Variants in ARB2A observed in about 807,000 individuals in gnomAD.
The protein encoded by ARB2A is cotranscriptional regulator ARB2A.
chr5:93,717,575 T>C, the ARB2A span, among the ~76,000 whole-genome samples: 1 of 152,110 alleles, frequency 6.6e-6, no homozygotes, highest in African/African-American at 2.4e-5. Flanking sequence ...GAAAAATTCT[T>C]TGGTAATTTC....
chr5:94,111,157 G>A, the ARB2A span, among the ~76,000 whole-genome samples: 3 of 151,460 alleles, frequency 2.0e-5, no homozygotes, highest in South Asian at 6.2e-4. Flanking sequence ...ACTTTTTGTA[G>A]AAAAAAAAAT....
chr5:93,877,088 T>C, the ARB2A span, among the ~76,000 whole-genome samples: 6 of 152,170 alleles, frequency 3.9e-5, no homozygotes, highest in African/African-American at 1.4e-4. Flanking sequence ...ATTTGGACTT[T>C]TCGTTTTGTG....
At chr5:93,871,363 T>G in the ARB2A span, among the ~76,000 whole-genome samples, 1 of 152,174 alleles carries the variant, frequency 6.6e-6, no homozygotes, top group Non-Finnish European at 1.5e-5. Context: ...CCATTCAAAG[T>G]ACAAGACAGA....
the ARB2A span, among the ~76,000 whole-genome samples, chr5:93,924,082 T>C: frequency 3.9e-5 from 6 of 152,140 alleles, no homozygotes; most frequent in Non-Finnish European, 8.8e-5. Flanking sequence ...AGCACAAAAC[T>C]AGATAGAACA....
the ARB2A span, among the ~76,000 whole-genome samples, chr5:93,706,335 C>T: frequency 1.3e-5 from 2 of 152,284 alleles, no homozygotes; most frequent in African/African-American, 4.8e-5. Flanking sequence ...ATGAAATGTT[C>T]AGAATAGCAA....
chr5:93,620,340 C>T, the ARB2A span: 1 of 152,068 alleles, frequency 6.6e-6, no homozygotes, highest in Admixed American at 6.5e-5. Flanking sequence ...GATTTTTATG[C>T]AGAGTTGTTT....
chr5:93,760,034 A>G, the ARB2A span, among the ~76,000 whole-genome samples: 5 of 152,238 alleles, frequency 3.3e-5, no homozygotes, highest in East Asian at 9.6e-4. Context: ...AACTGATGAA[A>G]GAATTCAGCA....
At chr5:93,945,695 A>C in the ARB2A span, among the ~76,000 whole-genome samples, 1 of 152,168 alleles carries the variant, frequency 6.6e-6, no homozygotes, top group Non-Finnish European at 1.5e-5. Flanking sequence ...AAACCACATA[A>C]GAGCTAAATA....
At chr5:93,908,819 CT>C in the ARB2A span, among the ~76,000 whole-genome samples, 1 of 150,826 alleles carries the variant, frequency 6.6e-6, no homozygotes, top group Non-Finnish European at 1.5e-5. Flanking sequence ...TGTTATTTCA[CT>C]TAAAAGCATC....
At chr5:94,028,321 T>C in the ARB2A span, among the ~76,000 whole-genome samples, 1 of 152,330 alleles carries the variant, frequency 6.6e-6, no homozygotes, top group Non-Finnish European at 1.5e-5. Context: ...CATCCACCTG[T>C]TTCATTCCCT....
At chr5:93,697,190 T>C in the ARB2A span, among the ~76,000 whole-genome samples, 1 of 151,760 alleles carries the variant, frequency 6.6e-6, no homozygotes, top group Admixed American at 6.6e-5. Context: ...CCATCTGTTC[T>C]CTTCTCAAAT....
the ARB2A span, chr5:93,862,018 T>C: frequency 1.3e-5 from 2 of 152,200 alleles, no homozygotes; most frequent in African/African-American, 4.8e-5. Context: ...AACATTTGAA[T>C]AAAGACAGGT....
chr5:94,023,334 A>C, the ARB2A span, among the ~76,000 whole-genome samples: 1 of 152,228 alleles, frequency 6.6e-6, no homozygotes, highest in African/African-American at 2.4e-5. Context: ...CAAGGATAGA[A>C]TGGTTTGACT....
the ARB2A span, among the ~76,000 whole-genome samples, chr5:93,682,396 C>A: frequency 6.6e-6 from 1 of 152,080 alleles, no homozygotes; most frequent in South Asian, 2.1e-4. Flanking sequence ...TGACTTCCCA[C>A]CTTGTAAAAA....
At chr5:93,991,501 A>G in the ARB2A span, among the ~76,000 whole-genome samples, 1 of 152,068 alleles carries the variant, frequency 6.6e-6, no homozygotes, top group Non-Finnish European at 1.5e-5. Flanking sequence ...AAATTAGGAG[A>G]CAAGAATATT....
chr5:93,923,047 T>C, the ARB2A span, among the ~76,000 whole-genome samples: 1 of 152,142 alleles, frequency 6.6e-6, no homozygotes, highest in African/African-American at 2.4e-5. Context: ...CTTTTGCCTC[T>C]GCCACCACTG....
chr5:93,881,488 C>A, the ARB2A span: 1 of 1,610,180 alleles, frequency 6.2e-7, no homozygotes, highest in Non-Finnish European at 8.5e-7. Flanking sequence ...ACAATTGCAT[C>A]ATTTCTTTTT....
At chr5:93,826,584 T>C in the ARB2A span, among the ~76,000 whole-genome samples, 296 of 152,288 alleles carry the variant, frequency 1.9e-3, 1 homozygote, top group African/African-American at 6.9e-3. Context: ...TTTTTCCTTT[T>C]AAAATGTTTT....
At chr5:93,787,361 C>T in the ARB2A span, among the ~76,000 whole-genome samples, 123,382 of 152,098 alleles carry the variant, frequency 0.81, 50,500 homozygotes, top group East Asian at 0.95. Flanking sequence ...ACATCAACAT[C>T]CTAAAGTTCC....
Sources: gnomAD v4.1 joint callset for allele counts (sites outside exome capture counted in the v4.1 genomes callset) on GRCh38, gnomAD v4.1.1 for gene constraint, MANE v1.5 for transcripts, NCBI Gene and HGNC (gene_info 2026-07-23, HGNC 2026-07-21) for gene names.